The following SAXO1 variants were observed in gnomAD, a reference collection of about 807,000 sequenced individuals.
SAXO1 encodes stabilizer of axonemal microtubules 1, also known as 4930500O09Rik.
In SAXO1, 21 loss-of-function variants were observed where a neutral mutation model predicts 17.5. That is an observed-to-expected ratio of 1.20 (90% CI 0.85 to 1.72). SAXO1 has a LOEUF of 1.72. SAXO1 is among the 40% of genes most tolerant of loss of function. The pLI is 0.00. For missense variants in SAXO1, 843 were observed against 596.0 expected (o/e 1.41, Z -4.32); for synonymous variants, 274 against 216.5 (o/e 1.27, Z -2.33).
chr9:18,942,527 T>C (rs547512098), intron 2 of SAXO1, among the ~76,000 whole-genome samples: 1 of 152,312 alleles, frequency 6.6e-6, no homozygotes, highest in East Asian at 1.9e-4. Flanking sequence ...TTTATCTCTT[T>C]CCTCTACTTA....
chr9:18,956,111 T>C (rs4592120), intron 1 of SAXO1, among the ~76,000 whole-genome samples: 2,680 of 17,292 alleles, frequency 0.15, 240 homozygotes, highest in Admixed American at 0.25. Flanking sequence ...ACCTGGCTAA[T>C]TTTTTTTTTT....
At chr9:19,046,524 G>A (rs1408592849) in intron 1 of SAXO1, among the ~76,000 whole-genome samples, 5 of 151,896 alleles carry the variant, frequency 3.3e-5, no homozygotes, top group Non-Finnish European at 7.4e-5. Context: ...GGAGAAAGGA[G>A]AAACCCCATC....
intron 1 of SAXO1, among the ~76,000 whole-genome samples, chr9:19,017,304 G>A (rs1473705873): frequency 6.6e-6 from 1 of 152,174 alleles, no homozygotes. Flanking sequence ...CTGAATGACA[G>A]GTTCAACCAC....
intron 1 of SAXO1, among the ~76,000 whole-genome samples, chr9:18,977,460 C>G (rs1281104981): frequency 6.6e-6 from 1 of 152,146 alleles, no homozygotes; most frequent in Non-Finnish European, 1.5e-5. Flanking sequence ...TAGGAGGTGT[C>G]TAAGGCTTAC....
At chr9:18,958,186 G>A (rs375486874) in intron 1 of SAXO1, among the ~76,000 whole-genome samples, 1 of 152,306 alleles carries the variant, frequency 6.6e-6, no homozygotes, top group African/African-American at 2.4e-5. Context: ...CACATTGGGA[G>A]GCTGAGGTGG....
intron 1 of SAXO1, among the ~76,000 whole-genome samples, chr9:18,958,705 G>A (rs1316603050): frequency 1.3e-5 from 2 of 152,044 alleles, no homozygotes; most frequent in Non-Finnish European, 1.5e-5. Flanking sequence ...GGGTTAGGAT[G>A]GGGGTGGGGT....
chr9:18,965,921 T>C (rs535352073), intron 1 of SAXO1, among the ~76,000 whole-genome samples: 2 of 152,352 alleles, frequency 1.3e-5, no homozygotes, highest in South Asian at 2.1e-4. Flanking sequence ...CTTCAGGAGC[T>C]GTTGTAAGGC....
chr9:19,042,257 A>C (rs566010189), intron 1 of SAXO1, among the ~76,000 whole-genome samples: 7 of 152,348 alleles, frequency 4.6e-5, no homozygotes, highest in African/African-American at 1.7e-4. Flanking sequence ...ATGTCACCCC[A>C]GTTAAAATGG....
chr9:18,996,613 C>T (rs988061292), intron 1 of SAXO1, among the ~76,000 whole-genome samples: 3 of 151,834 alleles, frequency 2.0e-5, no homozygotes, highest in African/African-American at 7.3e-5. Context: ...TGCATCTCTA[C>T]AAAAAAAGCA....
At chr9:18,935,073 G>C (rs753717929) in intron 3 of SAXO1, among the ~76,000 whole-genome samples, 6 of 151,916 alleles carry the variant, frequency 3.9e-5, no homozygotes, top group Admixed American at 6.6e-5. Flanking sequence ...GATTACAGGC[G>C]TCCACCACCA....
At chr9:18,972,380 A>G (rs1312117686) in intron 1 of SAXO1, among the ~76,000 whole-genome samples, 2 of 152,234 alleles carry the variant, frequency 1.3e-5, no homozygotes, top group Non-Finnish European at 2.9e-5. Context: ...ACTGCGCTCC[A>G]TGAGACCTTT....
Position 18,950,869 on chromosome 9 carries a change from T to G in SAXO1, c.107A>C (p.Glu36Ala). 2 of 1,613,518 alleles carry G rather than the reference T, an allele frequency of 1.2e-6. No homozygotes were observed. The highest frequency in any genetic ancestry group is 1.7e-6 in the Non-Finnish European group (2 of 1,179,674). The change falls in exon 2 of 4, where the codon GAA (glutamate) becomes GCA (alanine). Residue 36 changes from glutamate (E) to alanine (A), a missense_variant. Physicochemically the swap from Glu to Ala is moderately radical, Grantham distance 107 (BLOSUM62 -1). Coordinates refer to ENST00000380534, the MANE Select transcript of SAXO1 (RefSeq NM_153707.4). ...DKTEKPCLLSEYTENYPFYHS... is the reference protein window; with the variant it reads ...DKTEKPCLLSAYTENYPFYHS... ...ATAGAAAGGGTAGTTCTCGGTATAT[T>G]CGGAGAGAAGACATGGTTTCTCTGT... is the stretch of plus-strand genomic sequence containing the variant.
rs866952853 is a variant in SAXO1 at position 18,928,153 on chromosome 9, T to C, written c.1324A>G (p.Ile442Val). 21 of 1,614,078 alleles carry C rather than the reference T, an allele frequency of 1.3e-5. No individual in the cohort carries two copies. The African/African-American group carries it at 2.3e-4, about 17-fold the overall frequency. ...FEEVDALGHR[I>V]YKPVSQAGSQ... Reference sequence around the variant, plus strand: ...CCTGCCTGGGAAACTGGTTTGTATATCCTGTGACCCAAAGCATCCACTTCC... The same window carrying C: ...CCTGCCTGGGAAACTGGTTTGTATACCCTGTGACCCAAAGCATCCACTTCC... The change falls in exon 4 of 4, where the codon ATA becomes GTA. Residue 442 changes from isoleucine to valine, a missense_variant. By Grantham distance (29) the Ile-to-Val change is conservative (BLOSUM62 3). Coordinates refer to ENST00000380534, the MANE Select transcript of SAXO1 (RefSeq NM_153707.4).
Position 18,928,986 on chromosome 9 carries a change from G to A in SAXO1, c.491C>T (p.Ser164Leu). 1 of 1,614,088 alleles carries A rather than the reference G, an allele frequency of 6.2e-7. No homozygotes were observed. The highest frequency in any genetic ancestry group is 8.5e-7 in the Non-Finnish European group (1 of 1,180,014). ...TGTGGTTCTGTTATCAAACCTGACT[G>A]ATGCCGGCTGGTATTTGTGTTCCAG... ...LRLEHKYQPA[S>L]VRFDNRTTHQ... is the part of the protein sequence containing the mutation. Residue 164 changes from serine (S) to leucine (L), a missense_variant, in exon 4 of 4, where the codon TCA (serine) becomes TTA (leucine). Coordinates refer to ENST00000380534, the MANE Select transcript of SAXO1 (RefSeq NM_153707.4).
At position 18,928,313 on chromosome 9, in the gene SAXO1, G is replaced by A. The variant is rs747819320; in HGVS notation, c.1164C>T (p.Ser388=). 5.0e-6 allele frequency: 8 copies of A among 1,613,392 alleles called. No homozygotes were observed. The highest frequency in any genetic ancestry group is 6.8e-6 in the Non-Finnish European group (8 of 1,179,648). Reference sequence around the variant, plus strand: ...GAGGGCCAGACCAATGAGGCTTACAGCTTTTGGTATTGATAGGCAGGTGGG... The same window carrying A: ...GAGGGCCAGACCAATGAGGCTTACAACTTTTGGTATTGATAGGCAGGTGGG... The part of the protein sequence containing the change: ...YVPHLPINTK[S]CKPHWSGPRG... The change falls in exon 4 of 4, where the codon AGC becomes AGT. Residue 388 remains serine (S), a synonymous_variant. Coordinates refer to ENST00000380534, the MANE Select transcript of SAXO1 (RefSeq NM_153707.4).
chr9:19,031,070 G>A (rs577391622), intron 1 of SAXO1, among the ~76,000 whole-genome samples: 1 of 152,342 alleles, frequency 6.6e-6, no homozygotes, highest in East Asian at 1.9e-4. Context: ...CAGAGTCAGA[G>A]AAGGAACACC....
intron 1 of SAXO1, among the ~76,000 whole-genome samples, chr9:19,028,867 G>A (rs1433181017): frequency 6.6e-6 from 1 of 152,088 alleles, no homozygotes; most frequent in Non-Finnish European, 1.5e-5. Flanking sequence ...TACTCTGAAA[G>A]GCGTACCACT....
upstream of SAXO1, among the ~76,000 whole-genome samples, chr9:19,034,048 T>C (rs1835870620): frequency 6.6e-6 from 1 of 152,182 alleles, no homozygotes; most frequent in Non-Finnish European, 1.5e-5. Flanking sequence ...AGAAGCCAGG[T>C]GATTCTGGTC....
chr9:19,027,592 C>T, intron 1 of SAXO1: 2 of 1,417,650 alleles, frequency 1.4e-6, no homozygotes, highest in Admixed American at 1.7e-5. Context: ...AGCTGACTGG[C>T]CCCCAGCTGG....
Sources: gnomAD v4.1 joint callset for allele counts (sites outside exome capture counted in the v4.1 genomes callset) on GRCh38, gnomAD v4.1.1 for gene constraint, MANE v1.5 for transcripts, NCBI Gene and HGNC (gene_info 2026-07-23, HGNC 2026-07-21) for gene names.